Variants in PRTG observed in about 807,000 individuals in gnomAD.
The protein encoded by PRTG is immunoglobulin superfamily, DCC subclass, member 5.
In PRTG, 67 loss-of-function variants were observed where a neutral mutation model predicts 122.5. The ratio of observed to expected loss-of-function variants is 0.55; its 90% confidence interval spans 0.45 to 0.67. The LOEUF is 0.67. Ranked by LOEUF, PRTG falls within the 30% of genes least tolerant of loss-of-function variation. PRTG has a pLI of 0.00. For synonymous variants in PRTG, 554 were observed against 501.1 expected (o/e 1.11, Z -1.41); for missense variants, 1,435 against 1,415.4 (o/e 1.01, Z -0.22).
chr15:55,645,408 T>G (rs2059315867), intron 11 of PRTG, among the ~76,000 whole-genome samples: 1 of 69,420 alleles, frequency 1.4e-5, no homozygotes, highest in African/African-American at 4.1e-5. Flanking sequence ...CACTCCAGCC[T>G]GGGCGACAGA....
At chr15:55,718,845 C>T (rs1368355344) in intron 2 of PRTG, among the ~76,000 whole-genome samples, 1 of 151,936 alleles carries the variant, frequency 6.6e-6, no homozygotes, top group Non-Finnish European at 1.5e-5. Flanking sequence ...TGGGTTCAAG[C>T]GATTCACCTG....
intron 19 of PRTG, 82 bp downstream of exon 19, chr15:55,620,581 A>C: frequency 6.7e-7 from 1 of 1,494,498 alleles, no homozygotes; most frequent in Non-Finnish European, 8.9e-7. Flanking sequence ...AAAATAAAGC[A>C]TGAATTCACA....
At position 55,680,568 on chromosome 15, in the gene PRTG, G is replaced by T; in HGVS notation, c.737C>A (p.Thr246Lys). Residue 246 changes from threonine (T) to lysine (K), a missense_variant, in exon 5 of 20, where the codon ACA becomes AAA. By Grantham distance (78) the Thr-to-Lys change is moderately conservative (BLOSUM62 -1). Transcript: ENST00000389286. Reference protein sequence around the residue: ...TIIAGPQNITTSLHQTVVLEC... With the variant: ...TIIAGPQNITKSLHQTVVLEC... Reference sequence around the variant, plus strand: ...CAAAACTACAGTCTGATGAAGAGATGTTGTTATGTTCTGTGGACCTGCTAT... The same window carrying T: ...CAAAACTACAGTCTGATGAAGAGATTTTGTTATGTTCTGTGGACCTGCTAT... 6.2e-7 allele frequency: 1 copy of T among 1,601,304 alleles called. No individual in the cohort carries two copies. The highest frequency in any genetic ancestry group is 8.5e-7 in the Non-Finnish European group (1 of 1,173,166).
rs2059124446 is a variant in PRTG, at chr15:55,612,489, T to C, written c.*7523A>G. The C allele has an allele frequency of 6.6e-6, 1 of 151,780 alleles. No individual in the cohort carries two copies. The allele number at this position is 151,780 out of a possible 1,614,324, so 9.4% of individuals were successfully genotyped here. ...TCATATAATTCTTCCCAACAAACCCTACATATGAACTCGAATAAACCAGAA... is the reference window on the plus strand; with the variant it reads ...TCATATAATTCTTCCCAACAAACCCCACATATGAACTCGAATAAACCAGAA... On this transcript the variant is annotated 3_prime_UTR_variant, in exon 20 of 20. Coordinates refer to ENST00000389286, the MANE Select transcript of PRTG (RefSeq NM_173814.6).
chr15:55,692,951 C>T (rs1473417030), intron 2 of PRTG, among the ~76,000 whole-genome samples: 1 of 150,222 alleles, frequency 6.7e-6, no homozygotes, highest in Non-Finnish European at 1.5e-5. Flanking sequence ...AGCAATTCTC[C>T]TGCTTCAGCC....
chr15:55,622,479 G>T (rs929928302), intron 18 of PRTG, among the ~76,000 whole-genome samples: 1 of 150,474 alleles, frequency 6.6e-6, no homozygotes, highest in African/African-American at 2.4e-5. Context: ...TGCCTCCCGG[G>T]TTCACACCAT....
intron 2 of PRTG, among the ~76,000 whole-genome samples, chr15:55,698,971 A>G (rs2059647196): frequency 6.6e-6 from 1 of 152,096 alleles, no homozygotes; most frequent in African/African-American, 2.4e-5. Context: ...CTAGAAAACA[A>G]AACAAAACAA....
At chr15:55,699,842 C>T (rs2059652267) in intron 2 of PRTG, among the ~76,000 whole-genome samples, 1 of 152,082 alleles carries the variant, frequency 6.6e-6, no homozygotes, top group African/African-American at 2.4e-5. Flanking sequence ...TATAAAAAGG[C>T]TGGACACAAA....
At chr15:55,676,990 T>A (rs1244418328) in intron 8 of PRTG, among the ~76,000 whole-genome samples, 3 of 152,126 alleles carry the variant, frequency 2.0e-5, no homozygotes, top group Non-Finnish European at 4.4e-5. Context: ...TCCCCATCCT[T>A]AGGTGTTTGA....
rs541785496 is a variant in PRTG at position 55,689,743 on chromosome 15, C to T, written c.398-5812G>A. On this transcript the variant is annotated intron_variant, in intron 2 of 19. Coordinates refer to ENST00000389286, the MANE Select transcript of PRTG (RefSeq NM_173814.6). ...GAGATCGAGACCACCCTGGCTAACA[C>T]GGTGAAACCCCGTCTCTACTAAAAA... is the stretch of plus-strand genomic sequence containing the variant. Among the ~76,000 whole-genome samples, 138 of 151,846 alleles carry T rather than the reference C, an allele frequency of 9.1e-4. 1 individual carries two copies. In the South Asian group the frequency reaches 0.013, roughly 14 times the overall value.
chr15:55,734,585 T>A (rs2031349548), intron 2 of PRTG, among the ~76,000 whole-genome samples: 1 of 151,398 alleles, frequency 6.6e-6, no homozygotes, highest in Non-Finnish European at 1.5e-5. Flanking sequence ...GCTAAAGCTA[T>A]TTTATATATA....
intron 11 of PRTG, among the ~76,000 whole-genome samples, chr15:55,642,921 A>C (rs1055875222): frequency 2.6e-5 from 4 of 152,054 alleles, no homozygotes; most frequent in African/African-American, 9.7e-5. Context: ...AAATAAAATA[A>C]AAATTAGCTT....
intron 2 of PRTG, among the ~76,000 whole-genome samples, chr15:55,695,536 C>T (rs138105712): frequency 4.6e-5 from 7 of 152,348 alleles, no homozygotes; most frequent in African/African-American, 1.7e-4. Context: ...TCATCGACTG[C>T]ACCAGTCACT....
rs374559390 is a variant in PRTG, at chr15:55,660,505, T to C, written c.2041+11940A>G. Among the ~76,000 whole-genome samples, 36 of 152,356 alleles carry C rather than the reference T, an allele frequency of 2.4e-4. No homozygotes were observed. The South Asian group carries it at 7.5e-3, about 32-fold the overall frequency. On this transcript the variant is annotated intron_variant, in intron 11 of 19. Transcript: ENST00000389286. ...AATGGACAGTATTGATTTAATTTTC[T>C]ACAAGAGTTCTTCCTTCTCTAAGGA...
intron 2 of PRTG, among the ~76,000 whole-genome samples, chr15:55,724,022 A>C (rs1476287775): frequency 6.6e-6 from 1 of 152,144 alleles, no homozygotes; most frequent in Non-Finnish European, 1.5e-5. Context: ...AAGTGCTAGG[A>C]TTACATACGT....
chr15:55,706,809 G>C (rs2030145312), intron 2 of PRTG, among the ~76,000 whole-genome samples: 1 of 152,156 alleles, frequency 6.6e-6, no homozygotes, highest in South Asian at 2.1e-4. Flanking sequence ...GCAGGGTAGA[G>C]ACACAGAGAG....
At chr15:55,655,660 C>T (rs1595623462) in intron 11 of PRTG, 1 of 152,006 alleles carries the variant, frequency 6.6e-6, no homozygotes, top group Non-Finnish European at 1.5e-5. Flanking sequence ...AAACTTTGGA[C>T]AGTATGAACA....
intron 2 of PRTG, among the ~76,000 whole-genome samples, chr15:55,725,490 G>C (rs2030994570): frequency 6.6e-6 from 1 of 151,972 alleles, no homozygotes; most frequent in Admixed American, 6.6e-5. Context: ...AGCTACTTGG[G>C]AGACAGAGGT....
intron 2 of PRTG, among the ~76,000 whole-genome samples, chr15:55,693,093 A>G (rs1245112372): frequency 6.6e-6 from 1 of 151,238 alleles, no homozygotes; most frequent in Admixed American, 6.6e-5. Context: ...CAAGTGATCC[A>G]CTGCCTTGGC....
Sources: allele counts gnomAD v4.1 joint callset (sites outside exome capture counted in the v4.1 genomes callset), GRCh38; gene constraint gnomAD v4.1.1; transcripts MANE v1.5; gene names NCBI Gene and HGNC (gene_info 2026-07-23, HGNC 2026-07-21).